Variants in MSI2 observed in about 807,000 individuals in gnomAD.
MSI2 encodes the protein musashi RNA binding protein 2.
A neutral mutation model predicts 45.6 loss-of-function variants in MSI2; 17 were observed. The ratio of observed to expected loss-of-function variants is 0.37; its 90% CI spans 0.26 to 0.56. The LOEUF (loss-of-function observed/expected upper bound fraction) is 0.56, where lower values mean the gene tolerates loss of function less well. MSI2 is among the 20% of genes least tolerant of loss of function. MSI2 has a pLI of 0.77. For synonymous variants in MSI2, 156 were observed against 158.2 expected, an observed-to-expected ratio of 0.99 and a Z score of 0.11; for missense variants, 293 against 444.2, an observed-to-expected ratio of 0.66 and a Z score of 3.06.
In MSI2 at chr17:57,606,960, A is replaced by G. The variant is rs1036806717; in HGVS notation, c.538-9010A>G. The stretch of plus-strand genomic sequence containing the variant: ...GCAGGGGTTTTGAAGCTGGGGGTCT[A>G]TGATTGGATTCTGACTGTGCTTTGT... On this transcript the variant is annotated intron_variant, in intron 8 of 13. Coordinates refer to ENST00000284073, the MANE Select transcript of MSI2 (RefSeq NM_138962.4). Among the ~76,000 whole-genome samples the G allele has an allele frequency of 2.4e-4, 37 of 151,920 alleles. 1 individual carries two copies. The highest frequency in any genetic ancestry group is 6.5e-5 in the Admixed American group (1 of 15,268).
In MSI2 at chr17:57,588,666, G is replaced by A. The variant is rs372111421; in HGVS notation, c.455-8202G>A. ...TGCAGGGGAAGCCAACATAGAGCTG[G>A]AGTGGATGACCATATCTTTCCCCAC... On this transcript the variant is annotated intron_variant, in intron 7 of 13. Coordinates refer to ENST00000284073, the MANE Select transcript of MSI2 (RefSeq NM_138962.4). 5.0e-4 allele frequency among the ~76,000 whole-genome samples: 76 copies of A among 152,312 alleles called. No homozygotes were observed. In the Middle Eastern group the frequency reaches 0.014, roughly 27 times the overall value.
chr17:57,656,787 G>A (rs1369381431), intron 11 of MSI2, among the ~76,000 whole-genome samples: 1 of 152,180 alleles, frequency 6.6e-6, no homozygotes, highest in East Asian at 1.9e-4. Context: ...GCTCCCTAGA[G>A]GGGAAAGGAG....
chr17:57,653,096 T>G, intron 11 of MSI2, among the ~76,000 whole-genome samples: 1 of 139,868 alleles, frequency 7.1e-6, no homozygotes, highest in South Asian at 2.7e-4. Context: ...CTGAGGAGGG[T>G]GGGGCTGGGC....
chr17:57,547,342 C>G (rs934542237), intron 7 of MSI2, among the ~76,000 whole-genome samples: 39 of 152,214 alleles, frequency 2.6e-4, no homozygotes, highest in African/African-American at 9.4e-4. Context: ...TAGAAAGATC[C>G]CAGTGGCTCC....
At chr17:57,467,064 T>A (rs1168714630) in intron 6 of MSI2, among the ~76,000 whole-genome samples, 1 of 152,216 alleles carries the variant, frequency 6.6e-6, no homozygotes, top group East Asian at 1.9e-4. Flanking sequence ...AGAAACTTAA[T>A]CATCCCTCCC....
At chr17:57,379,811 G>C (rs2083568033) in intron 5 of MSI2, among the ~76,000 whole-genome samples, 1 of 152,170 alleles carries the variant, frequency 6.6e-6, no homozygotes, top group African/African-American at 2.4e-5. Context: ...AATAGGAAGA[G>C]GCAGGCAGTG....
chr17:57,278,224 C>T (rs1370117092), intron 5 of MSI2: 1 of 152,460 alleles, frequency 6.6e-6, no homozygotes, highest in Non-Finnish European at 1.5e-5. Flanking sequence ...AGAAAGAAAA[C>T]ATTTGAGCTC....
chr17:57,458,592 G>GAACT (rs1428648697), intron 6 of MSI2, among the ~76,000 whole-genome samples: 1 of 152,164 alleles, frequency 6.6e-6, no homozygotes, highest in Non-Finnish European at 1.5e-5. Flanking sequence ...CTCTGACTGG[G>GAACT]AACTGCTGGC....
chr17:57,539,593 G>A (rs1453076861), intron 7 of MSI2, among the ~76,000 whole-genome samples: 1 of 9,568 alleles, frequency 1.0e-4, no homozygotes, highest in Non-Finnish European at 2.0e-4. Context: ...TCAGGAGGCT[G>A]AGGCAGGAAA....
At chr17:57,452,511 C>G (rs776874979) in intron 6 of MSI2, among the ~76,000 whole-genome samples, 2 of 152,220 alleles carry the variant, frequency 1.3e-5, no homozygotes, top group East Asian at 1.9e-4. Flanking sequence ...GAGGGGCAGC[C>G]GAACTGTTGC....
chr17:57,613,029 A>G (rs2144547405), intron 8 of MSI2, among the ~76,000 whole-genome samples: 1 of 152,292 alleles, frequency 6.6e-6, no homozygotes, highest in East Asian at 1.9e-4. Flanking sequence ...AGAGAAACCT[A>G]AAAGAGCCAA....
chr17:57,496,947 T>C (rs2085991419), intron 6 of MSI2, among the ~76,000 whole-genome samples: 1 of 152,244 alleles, frequency 6.6e-6, no homozygotes, highest in Non-Finnish European at 1.5e-5. Flanking sequence ...GGTATGGCCA[T>C]TTTAAATGGC....
chr17:57,419,597 C>T (rs879418898), intron 6 of MSI2, among the ~76,000 whole-genome samples: 31 of 151,596 alleles, frequency 2.0e-4, no homozygotes, highest in Non-Finnish European at 2.6e-4. Flanking sequence ...TGGTCTCGAA[C>T]TCCTGACCTC....
intron 6 of MSI2, among the ~76,000 whole-genome samples, chr17:57,421,255 C>T (rs80171368): frequency 0.03 from 4,517 of 152,266 alleles, 229 homozygotes; most frequent in African/African-American, 0.1. Flanking sequence ...GGCCCCGTGG[C>T]AGTCCCCTCA....
chr17:57,689,568 T>C (rs1248978352), downstream of MSI2, among the ~76,000 whole-genome samples: 1 of 152,168 alleles, frequency 6.6e-6, no homozygotes, highest in Non-Finnish European at 1.5e-5. Context: ...ATACAGTGCA[T>C]CCATTTTAAG....
intron 5 of MSI2, among the ~76,000 whole-genome samples, chr17:57,394,872 C>A (rs1555596792): frequency 6.6e-6 from 1 of 152,182 alleles, no homozygotes; most frequent in Non-Finnish European, 1.5e-5. Flanking sequence ...TGCGCTTCTC[C>A]CGAATAGATC....
chr17:57,609,239 C>G (rs1330642847), intron 8 of MSI2, among the ~76,000 whole-genome samples: 1 of 152,178 alleles, frequency 6.6e-6, no homozygotes, highest in Non-Finnish European at 1.5e-5. Context: ...GGCGCAAGAC[C>G]AGGTCAGGCC....
chr17:57,352,401 T>A (rs1916094995), intron 5 of MSI2, among the ~76,000 whole-genome samples: 1 of 152,254 alleles, frequency 6.6e-6, no homozygotes, highest in African/African-American at 2.4e-5. Flanking sequence ...TTGTTCCTTT[T>A]ATTTTATAAA....
intron 5 of MSI2, among the ~76,000 whole-genome samples, chr17:57,308,383 A>G (rs1029970133): frequency 6.6e-5 from 10 of 152,184 alleles, no homozygotes; most frequent in African/African-American, 1.9e-4. Context: ...TTTCATGTGT[A>G]TGTTTTTGCT....
Sources: gnomAD v4.1 joint callset for allele counts (sites outside exome capture counted in the v4.1 genomes callset) on GRCh38, gnomAD v4.1.1 for gene constraint, MANE v1.5 for transcripts, NCBI Gene and HGNC (gene_info 2026-07-23, HGNC 2026-07-21) for gene names.